Variants in CALCR observed in about 807,000 individuals in gnomAD.
The protein encoded by CALCR is calcitonin receptor.
In CALCR, 47 loss-of-function variants were observed where a neutral mutation model predicts 59.5. The observed-to-expected ratio is 0.79, with a 90% CI of 0.63 to 1.01. The LOEUF (loss-of-function observed/expected upper bound fraction) is 1.01, where lower values mean the gene tolerates loss of function less well. CALCR is among the 50% of genes least tolerant of loss of function. The pLI is 0.00. For missense variants in CALCR, 566 were observed against 597.1 expected, an observed-to-expected ratio of 0.95 and a Z score of 0.54; for synonymous variants, 213 against 211.3, an observed-to-expected ratio of 1.01 and a Z score of -0.07.
At chr7:93,466,285 GA>G (rs1283092907) in intron 7 of CALCR, among the ~76,000 whole-genome samples, 1 of 151,424 alleles carries the variant, frequency 6.6e-6, no homozygotes, top group Non-Finnish European at 1.5e-5. Flanking sequence ...TAGAGTATTT[GA>G]AAAAAAATTC....
At chr7:93,528,960 A>G (rs1259797805) in intron 2 of CALCR, among the ~76,000 whole-genome samples, 1 of 152,226 alleles carries the variant, frequency 6.6e-6, no homozygotes, top group Non-Finnish European at 1.5e-5. Context: ...ATTTTGTAGT[A>G]ATGGTGTGCT....
intron 12 of CALCR, 33 bp downstream of exon 12, chr7:93,435,919 G>A (rs1366703553): frequency 1.7e-6 from 2 of 1,189,504 alleles, no homozygotes; most frequent in Non-Finnish European, 2.5e-6. Context: ...AATAAGCACA[G>A]TAGTTGAATA....
chr7:93,566,793 TG>T (rs1263950309), intron 2 of CALCR, among the ~76,000 whole-genome samples: 16 of 152,308 alleles, frequency 1.1e-4, no homozygotes, highest in African/African-American at 3.4e-4. Flanking sequence ...TTTTTGTTTT[TG>T]TTTTTGTTTT....
intron 9 of CALCR, among the ~76,000 whole-genome samples, chr7:93,440,016 G>T (rs1196176896): frequency 6.6e-6 from 1 of 152,084 alleles, no homozygotes; most frequent in Non-Finnish European, 1.5e-5. Flanking sequence ...TCACCCAGTG[G>T]CTAATGTTTA....
At position 93,443,589 on chromosome 7, in the gene CALCR, G is replaced by T. The variant is rs1458778480; in HGVS notation, c.802+15C>A. On this transcript the variant is annotated intron_variant, in intron 9 of 13. Transcript: ENST00000426151. ...GGTGAAAGTGACTCAAAACTTAGCT[G>T]CAGAAAATACATACCCCAGCCCAAG... is the stretch of plus-strand genomic sequence containing the variant. 2 of 1,610,248 alleles carry T rather than the reference G, an allele frequency of 1.2e-6. No homozygotes were observed. The highest frequency in any genetic ancestry group is 1.7e-5 in the Admixed American group (1 of 59,564).
At chr7:93,450,594 T>A (rs1800088906) in intron 8 of CALCR, among the ~76,000 whole-genome samples, 1 of 151,894 alleles carries the variant, frequency 6.6e-6, no homozygotes, top group Non-Finnish European at 1.5e-5. Flanking sequence ...TCTATCAGAG[T>A]TTTACTTGTC....
intron 7 of CALCR, among the ~76,000 whole-genome samples, chr7:93,461,437 G>A (rs550415122): frequency 3.3e-5 from 5 of 152,158 alleles, no homozygotes; most frequent in African/African-American, 7.2e-5. Flanking sequence ...CACACTTCAC[G>A]TCTCCTGGCA....
chr7:93,479,538 A>G (rs893711625), intron 3 of CALCR, 31 bp from the exon 4 acceptor site: 1 of 1,595,408 alleles, frequency 6.3e-7, no homozygotes, highest in Non-Finnish European at 8.5e-7. Flanking sequence ...AGTTACTTAT[A>G]GACAGGAGGA....
chr7:93,453,756 G>C lies in CALCR; in HGVS notation c.648+7065C>G, dbSNP rs547497990. Among the ~76,000 whole-genome samples, 3 of 151,966 alleles carry C rather than the reference G, an allele frequency of 2.0e-5. No individual in the cohort carries two copies. The South Asian group carries it at 6.2e-4, about 32-fold the overall frequency. ...CCAAATGAAAGAAACTGGAGATTGG[G>C]TATATGTTTATATCCACTTTAGGAA... On this transcript the variant is annotated intron_variant, in intron 8 of 13. Coordinates refer to ENST00000426151, the MANE Select transcript of CALCR (RefSeq NM_001742.4).
chr7:93,528,846 T>C (rs974151953), intron 2 of CALCR, among the ~76,000 whole-genome samples: 2 of 152,214 alleles, frequency 1.3e-5, no homozygotes, highest in Non-Finnish European at 2.9e-5. Flanking sequence ...CCCATTCAAG[T>C]TGCTAATTTA....
At chr7:93,477,169 T>C (rs1800683326) in intron 5 of CALCR, among the ~76,000 whole-genome samples, 1 of 151,934 alleles carries the variant, frequency 6.6e-6, no homozygotes, top group South Asian at 2.1e-4. Flanking sequence ...AACAGGGACC[T>C]ATATGTTGTG....
chr7:93,534,881 A>G (rs1207676549), intron 2 of CALCR, among the ~76,000 whole-genome samples: 1 of 151,750 alleles, frequency 6.6e-6, no homozygotes, highest in Non-Finnish European at 1.5e-5. Context: ...TACAAAAGAC[A>G]ACATTTATTG....
chr7:93,472,197 G>T (rs1489811028), intron 6 of CALCR, among the ~76,000 whole-genome samples, 178 bp downstream of exon 6: 2 of 151,788 alleles, frequency 1.3e-5, no homozygotes, highest in African/African-American at 4.8e-5. Flanking sequence ...ACCAAGAAGT[G>T]AAATGTCATT....
At chr7:93,551,780 G>T (rs1387902933) in intron 2 of CALCR, among the ~76,000 whole-genome samples, 4 of 152,060 alleles carry the variant, frequency 2.6e-5, no homozygotes, top group Non-Finnish European at 4.4e-5. Context: ...GCAGTATTTT[G>T]CTTTATTTTA....
rs567669831 is a variant in CALCR, at chr7:93,426,080, T to C, written c.*276A>G. 8.3e-4 allele frequency: 276 copies of C among 331,878 alleles called. No homozygotes were observed. The highest frequency in any genetic ancestry group is 1.4e-3 in the Non-Finnish European group (251 of 184,298). The allele number at this position is 331,878 out of a possible 1,614,324, so 20.6% of individuals were successfully genotyped here. A position where few individuals can be genotyped will look rare whatever the true frequency, so the allele number is the denominator to read the frequency against. On this transcript the variant is annotated 3_prime_UTR_variant, in exon 14 of 14. Coordinates refer to ENST00000426151, the MANE Select transcript of CALCR (RefSeq NM_001742.4). ...AACTAGGTCAATTTCATTGTTTTTC[T>C]TTGATACTTTGCTTGCATTACTGTG...
chr7:93,475,177 T>C (rs1057362337), intron 5 of CALCR, among the ~76,000 whole-genome samples: 1 of 151,768 alleles, frequency 6.6e-6, no homozygotes, highest in South Asian at 2.1e-4. Flanking sequence ...AAACTGCAGG[T>C]TATAGAGTTA....
intron 8 of CALCR, among the ~76,000 whole-genome samples, chr7:93,456,201 T>C (rs1246001190): frequency 2.6e-5 from 4 of 152,182 alleles, no homozygotes; most frequent in Non-Finnish European, 5.9e-5. Context: ...CTATGCTGTT[T>C]ATATGTATTT....
intron 13 of CALCR, among the ~76,000 whole-genome samples, chr7:93,431,190 A>T (rs550834660): frequency 1.3e-5 from 2 of 152,182 alleles, no homozygotes; most frequent in Non-Finnish European, 2.9e-5. Context: ...TCGTGGTGGG[A>T]GTACCTGGGA....
At position 93,468,731 on chromosome 7, in the gene CALCR, T is replaced by C; in HGVS notation, c.505A>G (p.Ile169Val). 6.2e-7 allele frequency: 1 copy of C among 1,609,026 alleles called. No homozygotes were observed. Among genetic ancestry groups the C allele is most frequent in the South Asian group, 1.1e-5 (1 of 90,848 alleles). Reference protein sequence around the residue: ...SIFTLVISLGIFVFFRSLGCQ... With the variant: ...SIFTLVISLGVFVFFRSLGCQ... ...TGTACTTACCTGAAAAACACGAAAA[T>C]CCCCAGGGAAATCACTAGGGTGAAA... The change falls in exon 7 of 14, where the codon ATT becomes GTT. Residue 169 changes from isoleucine (I) to valine (V), a missense_variant. Physicochemically the swap from Ile to Val is conservative, Grantham distance 29. Transcript: ENST00000426151.
Sources: gnomAD v4.1 joint callset for allele counts (sites outside exome capture counted in the v4.1 genomes callset) on GRCh38, gnomAD v4.1.1 for gene constraint, MANE v1.5 for transcripts, NCBI Gene and HGNC (gene_info 2026-07-23, HGNC 2026-07-21) for gene names.